Variants in NRG3 observed in about 807,000 individuals in gnomAD.
NRG3 encodes neuregulin 3, also known as pro-neuregulin-3, membrane-bound isoform.
NRG3 carries 31 observed loss-of-function variants against 66.9 expected under a neutral mutation model. That is an observed-to-expected ratio of 0.46 (90% CI 0.35 to 0.63). The LOEUF (loss-of-function observed/expected upper bound fraction) is 0.63. Among genes scored for constraint, NRG3 ranks in the 20% least tolerant of loss-of-function variants. The probability of loss-of-function intolerance (pLI) is 0.00; values close to 1 mark genes in which losing one functional copy is unlikely to be tolerated. For missense variants in NRG3, 910 were observed against 878.9 expected, an observed-to-expected ratio of 1.04 and a Z score of -0.45; for synonymous variants, 393 against 359.4, an observed-to-expected ratio of 1.09 and a Z score of -1.06.
intron 7 of NRG3, 95 bp from the exon 8 acceptor site, chr10:82,978,855 A>G: frequency 1.5e-6 from 2 of 1,293,890 alleles, no homozygotes; most frequent in Non-Finnish European, 2.1e-6. Context: ...TGGGGTGCAG[A>G]TTCAGTGTTT....
intron 1 of NRG3, among the ~76,000 whole-genome samples, chr10:82,234,188 A>T (rs1197089640): frequency 1.3e-5 from 2 of 152,060 alleles, no homozygotes; most frequent in Non-Finnish European, 2.9e-5. Flanking sequence ...TTCCAACATA[A>T]TTTTTTTCAC....
rs182289069 is a variant in NRG3 at position 82,332,901 on chromosome 10, G to A, written c.824-25838G>A. 1.8e-4 allele frequency among the ~76,000 whole-genome samples: 28 copies of A among 152,240 alleles called. No homozygotes were observed. The East Asian group carries it at 2.5e-3, about 14-fold the overall frequency. On this transcript the variant is annotated intron_variant, in intron 1 of 8. Coordinates refer to ENST00000372141, the MANE Select transcript of NRG3 (RefSeq NM_001010848.4). The stretch of plus-strand genomic sequence containing the variant: ...AGGTCTTCCCAAGAAACAGAACTAG[G>A]CAAACATAGGCATTTATATTTGGTG...
intron 1 of NRG3, among the ~76,000 whole-genome samples, chr10:82,089,831 A>G (rs2065928387): frequency 6.6e-6 from 1 of 152,196 alleles, no homozygotes; most frequent in African/African-American, 2.4e-5. Context: ...ATAGGAAGGC[A>G]TGTGGGCATT....
At chr10:82,930,489 C>G (rs1424349854) in intron 4 of NRG3, among the ~76,000 whole-genome samples, 1 of 152,084 alleles carries the variant, frequency 6.6e-6, no homozygotes, top group Non-Finnish European at 1.5e-5. Flanking sequence ...TGTGAACAAA[C>G]CCAGCAATAG....
At position 82,119,046 on chromosome 10, in the gene NRG3, A is replaced by G. The variant is rs1418396519; in HGVS notation, c.824-239693A>G. Among the ~76,000 whole-genome samples the G allele has an allele frequency of 5.9e-5, 9 of 152,314 alleles. No homozygotes were observed. In the East Asian group the frequency reaches 1.5e-3, roughly 26 times the overall value. On this transcript the variant is annotated intron_variant, in intron 1 of 8. Coordinates refer to ENST00000372141, the MANE Select transcript of NRG3 (RefSeq NM_001010848.4). Reference sequence around the variant, plus strand: ...TTGTAAATTGACAACTTATAATTTCATGTATTTATGAGGTACAAAGTGATG... The same window carrying G: ...TTGTAAATTGACAACTTATAATTTCGTGTATTTATGAGGTACAAAGTGATG...
intron 4 of NRG3, among the ~76,000 whole-genome samples, chr10:82,939,824 T>G (rs549904647): frequency 6.6e-6 from 1 of 151,584 alleles, no homozygotes; most frequent in East Asian, 2.0e-4. Context: ...AGCAAGAAAA[T>G]GAATCCCTAG....
intron 2 of NRG3, among the ~76,000 whole-genome samples, chr10:82,650,322 A>G (rs1476113541): frequency 6.6e-6 from 1 of 152,218 alleles, no homozygotes. Flanking sequence ...GCCCTGGGCT[A>G]TGCTTGCAGC....
At chr10:82,471,642 G>C (rs904116176) in intron 2 of NRG3, among the ~76,000 whole-genome samples, 2 of 152,142 alleles carry the variant, frequency 1.3e-5, no homozygotes, top group South Asian at 4.1e-4. Context: ...TGGGCACGGT[G>C]GCTCATGCCT....
intron 1 of NRG3, among the ~76,000 whole-genome samples, chr10:82,327,632 G>A (rs1297369425): frequency 1.3e-5 from 2 of 152,060 alleles, no homozygotes. Flanking sequence ...CAAACCAAAT[G>A]CGATTGCCTT....
At chr10:82,704,230 C>A (rs954376598) in intron 2 of NRG3, among the ~76,000 whole-genome samples, 3 of 152,026 alleles carry the variant, frequency 2.0e-5, no homozygotes, top group African/African-American at 7.2e-5. Flanking sequence ...ATTCCACCAA[C>A]CACAACACAC....
intron 1 of NRG3, among the ~76,000 whole-genome samples, chr10:82,216,255 A>G (rs1185441982): frequency 6.6e-6 from 1 of 151,804 alleles, no homozygotes; most frequent in Non-Finnish European, 1.5e-5. Context: ...TGCTGGGATT[A>G]CATGCACGAA....
chr10:82,545,764 G>A (rs1012022735), intron 2 of NRG3, among the ~76,000 whole-genome samples: 1 of 142,522 alleles, frequency 7.0e-6, no homozygotes, highest in Non-Finnish European at 1.5e-5. Context: ...TTTATTGATC[G>A]TAATATATAA....
intron 2 of NRG3, among the ~76,000 whole-genome samples, chr10:82,586,806 C>T (rs1280581656): frequency 2.0e-5 from 3 of 152,056 alleles, no homozygotes; most frequent in Non-Finnish European, 4.4e-5. Flanking sequence ...TTCAAATGCT[C>T]AGGCTTGTAG....
chr10:82,584,217 G>T (rs1200315575), intron 2 of NRG3, among the ~76,000 whole-genome samples: 1 of 152,120 alleles, frequency 6.6e-6, no homozygotes, highest in Non-Finnish European at 1.5e-5. Flanking sequence ...CTCTGGAGTA[G>T]CTGGGATTAC....
intron 2 of NRG3, among the ~76,000 whole-genome samples, chr10:82,611,252 T>G (rs963006093): frequency 6.6e-6 from 1 of 151,992 alleles, no homozygotes; most frequent in Non-Finnish European, 1.5e-5. Context: ...ATTTTTTTAT[T>G]TTTCATTTTT....
At chr10:82,687,772 G>A (rs1311971018) in intron 2 of NRG3, among the ~76,000 whole-genome samples, 1 of 152,084 alleles carries the variant, frequency 6.6e-6, no homozygotes, top group African/African-American at 2.4e-5. Flanking sequence ...GTAGGTCTAG[G>A]AAGCTGGTCC....
At chr10:82,586,635 T>A (rs1016671947) in intron 2 of NRG3, among the ~76,000 whole-genome samples, 2 of 152,208 alleles carry the variant, frequency 1.3e-5, no homozygotes, top group African/African-American at 4.8e-5. Flanking sequence ...TACTTGGTGT[T>A]TTAAGTATTT....
rs143389630 is a variant in NRG3, at chr10:81,934,312, G to A, written c.823+58149G>A. Among the ~76,000 whole-genome samples the A allele has an allele frequency of 2.3e-3, 352 of 152,302 alleles. 1 individual carries two copies. Among genetic ancestry groups the A allele is most frequent in the African/African-American group, 7.2e-3 (298 of 41,558 alleles). ...CTTAATGATCAGCTGGAGAAGAGGC[G>A]TAATGAATAGTTGCAGCATTGTTCA... On this transcript the variant is annotated intron_variant, in intron 1 of 8. Transcript: ENST00000372141.
At chr10:82,517,888 C>T (rs1845840521) in intron 2 of NRG3, among the ~76,000 whole-genome samples, 1 of 151,970 alleles carries the variant, frequency 6.6e-6, no homozygotes, top group African/African-American at 2.4e-5. Context: ...ATATAAGGTC[C>T]ATACTGGGTA....
Sources: gnomAD v4.1 joint callset for allele counts (sites outside exome capture counted in the v4.1 genomes callset) on GRCh38, gnomAD v4.1.1 for gene constraint, MANE v1.5 for transcripts, NCBI Gene and HGNC (gene_info 2026-07-23, HGNC 2026-07-21) for gene names.